GPATCH2: variants seen among roughly 807,000 people sequenced by gnomAD.
The protein encoded by GPATCH2 is G patch domain-containing protein 2.
A neutral mutation model predicts 58.0 loss-of-function variants in GPATCH2; 51 were observed. That is an observed-to-expected ratio of 0.88 (90% confidence interval 0.70 to 1.11). GPATCH2 has a LOEUF of 1.11. Among genes scored for constraint, GPATCH2 ranks in the 50% most tolerant of loss-of-function variants. GPATCH2 has a pLI of 0.00. For synonymous variants in GPATCH2, 222 were observed against 218.5 expected, an observed-to-expected ratio of 1.02 and a Z score of -0.14; for missense variants, 625 against 652.2, an observed-to-expected ratio of 0.96 and a Z score of 0.45.
chr1:217,630,880 C>T lies in GPATCH2; in HGVS notation c.56+36G>A, dbSNP rs1257766497. 13 of 1,526,848 alleles carry T rather than the reference C, an allele frequency of 8.5e-6. No individual in the cohort carries two copies. The African/African-American group carries it at 9.6e-5, about 11-fold the overall frequency. The allele number at this position is 1,526,848 out of a possible 1,614,324, so 94.6% of individuals were successfully genotyped here. A position where few individuals can be genotyped will look rare whatever the true frequency, so the allele number is the denominator to read the frequency against. ...AGCGGCCTCGGGCAATCACACCCTT[C>T]CCTGACCTCCCCCTCCCCAGGGCCG... On this transcript the variant is annotated intron_variant, in intron 1 of 9. Transcript: ENST00000366935.
intron 8 of GPATCH2, among the ~76,000 whole-genome samples, chr1:217,456,304 T>C (rs1659940549): frequency 6.6e-6 from 1 of 152,174 alleles, no homozygotes; most frequent in Non-Finnish European, 1.5e-5. Flanking sequence ...TGCTCACCCC[T>C]GGCTCCTGTA....
intron 5 of GPATCH2, among the ~76,000 whole-genome samples, chr1:217,545,274 G>A (rs775907440): frequency 7.9e-5 from 12 of 152,188 alleles, no homozygotes; most frequent in Admixed American, 1.3e-4. Flanking sequence ...AGTGGAGAGC[G>A]ACAGTGAAGC....
intron 9 of GPATCH2, among the ~76,000 whole-genome samples, chr1:217,444,895 T>C (rs141531548): frequency 0.012 from 1,893 of 152,290 alleles, 14 homozygotes; most frequent in Middle Eastern, 0.054. Context: ...GCACCACACA[T>C]TTCTGATTAT....
chr1:217,582,571 C>T (rs1233827247), intron 5 of GPATCH2, among the ~76,000 whole-genome samples: 1 of 152,066 alleles, frequency 6.6e-6, no homozygotes, highest in Non-Finnish European at 1.5e-5. Context: ...CACAATTTTA[C>T]TTTTAAAAAA....
At chr1:217,581,561 G>A (rs912930817) in intron 5 of GPATCH2, among the ~76,000 whole-genome samples, 11 of 152,198 alleles carry the variant, frequency 7.2e-5, no homozygotes, top group African/African-American at 7.2e-5. Context: ...TGGGATGTAC[G>A]TAAGAGAGTA....
chr1:217,498,168 C>T (rs997648402), intron 7 of GPATCH2, 188 bp downstream of exon 7: 2 of 691,692 alleles, frequency 2.9e-6, no homozygotes, highest in Admixed American at 4.1e-5. Context: ...GGAAAGAAAA[C>T]TCTCATGCTG....
chr1:217,618,221 C>CTT (rs34863823), intron 2 of GPATCH2, among the ~76,000 whole-genome samples: 25 of 124,714 alleles, frequency 2.0e-4, no homozygotes, highest in African/African-American at 3.0e-4. Flanking sequence ...CCTCTGGAAA[C>CTT]TTTTTTTTTT....
intron 6 of GPATCH2, among the ~76,000 whole-genome samples, chr1:217,499,449 G>A (rs748349802): frequency 5.0e-4 from 76 of 152,150 alleles, no homozygotes; most frequent in Non-Finnish European, 1.0e-3. Flanking sequence ...CATCTCCTGG[G>A]ACGCTCCAAG....
chr1:217,549,796 G>A (rs1254767765), intron 5 of GPATCH2, among the ~76,000 whole-genome samples: 1 of 151,992 alleles, frequency 6.6e-6, no homozygotes, highest in Non-Finnish European at 1.5e-5. Flanking sequence ...TAAACTAACA[G>A]GTCTTATGCA....
Position 217,430,507 on chromosome 1 carries a change from A to C in GPATCH2, c.*638T>G, listed in dbSNP as rs1371334352. 1 of 152,258 alleles carries C rather than the reference A, an allele frequency of 6.6e-6. No homozygotes were observed. The highest frequency in any genetic ancestry group is 1.5e-5 in the Non-Finnish European group (1 of 68,058). The allele number at this position is 152,258 out of a possible 1,614,324, so 9.4% of individuals were successfully genotyped here. A position where few individuals can be genotyped will look rare whatever the true frequency, so the allele number is the denominator to read the frequency against. On this transcript the variant is annotated 3_prime_UTR_variant, in exon 10 of 10. Transcript: ENST00000366935. ...AGAGGGCACTCTGGTGATAACAACGATGAGGTTTATTTTTGTCAAAACATC... is the reference window on the plus strand; with the variant it reads ...AGAGGGCACTCTGGTGATAACAACGCTGAGGTTTATTTTTGTCAAAACATC...
At chr1:217,445,417 T>C (rs952838679) in intron 9 of GPATCH2, among the ~76,000 whole-genome samples, 5 of 152,168 alleles carry the variant, frequency 3.3e-5, no homozygotes, top group Non-Finnish European at 5.9e-5. Flanking sequence ...ACAACCAACA[T>C]TGCTAACGCC....
chr1:217,541,035 A>G (rs1664713664), intron 5 of GPATCH2, among the ~76,000 whole-genome samples: 1 of 152,188 alleles, frequency 6.6e-6, no homozygotes, highest in South Asian at 2.1e-4. Flanking sequence ...ATTTCACTGA[A>G]TTTGGCCAAA....
At chr1:217,443,143 A>T (rs2102541892) in intron 9 of GPATCH2, among the ~76,000 whole-genome samples, 1 of 152,306 alleles carries the variant, frequency 6.6e-6, no homozygotes, top group East Asian at 1.9e-4. Flanking sequence ...TTTAGCTTTT[A>T]GTACACGCTC....
intron 5 of GPATCH2, among the ~76,000 whole-genome samples, chr1:217,540,439 G>A (rs1401460610): frequency 2.0e-5 from 3 of 152,160 alleles, no homozygotes; most frequent in East Asian, 3.9e-4. Flanking sequence ...GCATGATTAC[G>A]TGTGAAAGTA....
At chr1:217,495,772 A>G (rs1026553454) in intron 7 of GPATCH2, among the ~76,000 whole-genome samples, 2 of 152,140 alleles carry the variant, frequency 1.3e-5, no homozygotes, top group South Asian at 4.1e-4. Context: ...TTTACAAATA[A>G]CTCTTTTAAT....
intron 5 of GPATCH2, among the ~76,000 whole-genome samples, chr1:217,521,778 C>A (rs1309359576): frequency 1.3e-5 from 2 of 152,058 alleles, no homozygotes; most frequent in Non-Finnish European, 2.9e-5. Flanking sequence ...CATCTTTAAA[C>A]CACAAAGGTT....
At chr1:217,498,758 C>A in intron 6 of GPATCH2, 1 of 330,424 alleles carries the variant, frequency 3.0e-6, no homozygotes, top group Non-Finnish European at 5.6e-6. Context: ...CACATTATGA[C>A]CCTTTGATTG....
chr1:217,439,500 C>T (rs1659028939), intron 9 of GPATCH2, among the ~76,000 whole-genome samples: 1 of 151,868 alleles, frequency 6.6e-6, no homozygotes, highest in Non-Finnish European at 1.5e-5. Flanking sequence ...TAGCAGAAGA[C>T]AAGAAATAAT....
rs943832494 is a variant in GPATCH2 at position 217,598,701 on chromosome 1, G to A, written c.1098+11620C>T. Among the ~76,000 whole-genome samples the A allele has an allele frequency of 3.1e-4, 47 of 152,106 alleles. 1 individual carries two copies. The highest frequency in any genetic ancestry group is 8.7e-4 in the African/African-American group (36 of 41,510). ...AGGCTCGTCTCAAACTCCTGATCTC[G>A]TGATCCACCTGCCTCAGCCTCCCAA... On this transcript the variant is annotated intron_variant, in intron 5 of 9. Coordinates refer to ENST00000366935, the MANE Select transcript of GPATCH2 (RefSeq NM_018040.5).
Sources: allele counts gnomAD v4.1 joint callset (sites outside exome capture counted in the v4.1 genomes callset), GRCh38; gene constraint gnomAD v4.1.1; transcripts MANE v1.5; gene names NCBI Gene and HGNC (gene_info 2026-07-23, HGNC 2026-07-21).